The following PDE4D variants were observed in gnomAD, a reference collection of about 807,000 sequenced individuals.
PDE4D encodes the protein 3',5'-cyclic-AMP phosphodiesterase 4D.
In PDE4D, 24 loss-of-function variants were observed where a neutral mutation model predicts 87.4. That is an observed-to-expected ratio of 0.27 (90% CI 0.20 to 0.39). The LOEUF is 0.39. Among genes scored for constraint, PDE4D ranks in the 10% least tolerant of loss-of-function variants. The pLI, the probability that PDE4D is intolerant of heterozygous loss-of-function variation, is 1.00. For synonymous variants in PDE4D, 384 were observed against 383.2 expected (o/e 1.00, Z -0.02); for missense variants, 714 against 1,041.0 (o/e 0.69, Z 4.32).
At chr5:60,378,897 GAA>G (rs1491275420) in intron 1 of PDE4D, among the ~76,000 whole-genome samples, 1 of 151,710 alleles carries the variant, frequency 6.6e-6, no homozygotes, top group Non-Finnish European at 1.5e-5. Context: ...GAGAGAGAGA[GAA>G]AGAAAGAAAG....
At chr5:59,392,639 C>CTGGCCT (rs1334665790) in intron 1 of PDE4D, among the ~76,000 whole-genome samples, 2 of 151,980 alleles carry the variant, frequency 1.3e-5, no homozygotes, top group African/African-American at 2.4e-5. Context: ...CCTGCCAACC[C>CTGGCCT]TGGCCTATAT....
chr5:60,076,744 A>G (rs1301600392), intron 2 of PDE4D, among the ~76,000 whole-genome samples: 1 of 152,200 alleles, frequency 6.6e-6, no homozygotes, highest in Non-Finnish European at 1.5e-5. Flanking sequence ...TCTGATGGGT[A>G]GTGCCAGACA....
intron 1 of PDE4D, among the ~76,000 whole-genome samples, chr5:60,303,648 T>C (rs1158683300): frequency 6.6e-6 from 1 of 152,154 alleles, no homozygotes; most frequent in Non-Finnish European, 1.5e-5. Context: ...GATTTGATTG[T>C]GCTGTGATCT....
intron 1 of PDE4D, among the ~76,000 whole-genome samples, chr5:59,545,326 G>C (rs1817083891): frequency 6.6e-6 from 1 of 151,972 alleles, no homozygotes; most frequent in South Asian, 2.1e-4. Flanking sequence ...ATGCAGAAAT[G>C]TCTGATTCCA....
intron 1 of PDE4D, among the ~76,000 whole-genome samples, chr5:59,344,545 G>C (rs1170170253): frequency 6.6e-6 from 1 of 151,912 alleles, no homozygotes; most frequent in Non-Finnish European, 1.5e-5. Context: ...ACTACAGGCA[G>C]GCACCATCAC....
At chr5:59,037,293 C>T (rs1186337533) in intron 6 of PDE4D, among the ~76,000 whole-genome samples, 1 of 152,160 alleles carries the variant, frequency 6.6e-6, no homozygotes, top group African/African-American at 2.4e-5. Context: ...TTGCACATTG[C>T]TAAGTGGCTT....
chr5:59,406,367 G>C (rs1315650295), intron 1 of PDE4D, among the ~76,000 whole-genome samples: 5 of 140,492 alleles, frequency 3.6e-5, no homozygotes, highest in African/African-American at 1.3e-4. Context: ...TGCTTGTAAC[G>C]TCTCCCTTAT....
intron 1 of PDE4D, among the ~76,000 whole-genome samples, chr5:59,568,894 T>G (rs542366670): frequency 1.3e-5 from 2 of 152,210 alleles, no homozygotes; most frequent in East Asian, 3.9e-4. Flanking sequence ...ATAGGGACTT[T>G]AAATAATAAT....
chr5:59,438,339 T>G (rs1272317231), intron 1 of PDE4D, among the ~76,000 whole-genome samples: 1 of 152,108 alleles, frequency 6.6e-6, no homozygotes, highest in Non-Finnish European at 1.5e-5. Flanking sequence ...TGTCCTAAAG[T>G]GAATTCTGAA....
intron 1 of PDE4D, among the ~76,000 whole-genome samples, chr5:59,870,568 A>G (rs2152736524): frequency 6.6e-6 from 1 of 152,338 alleles, no homozygotes; most frequent in East Asian, 1.9e-4. Flanking sequence ...TGACCACTAC[A>G]TAAAATTGGA....
intron 11 of PDE4D, among the ~76,000 whole-genome samples, chr5:58,977,810 C>T (rs1444512204): frequency 6.6e-6 from 1 of 152,182 alleles, no homozygotes; most frequent in East Asian, 1.9e-4. Context: ...AATAAGGAAT[C>T]ATATGAACAA....
At chr5:60,038,447 T>C (rs1296794647) in intron 2 of PDE4D, among the ~76,000 whole-genome samples, 3 of 152,112 alleles carry the variant, frequency 2.0e-5, no homozygotes, top group Non-Finnish European at 2.9e-5. Context: ...ATATGCGGCG[T>C]TATTTCTGAG....
intron 1 of PDE4D, among the ~76,000 whole-genome samples, chr5:60,435,401 T>G (rs1266273466): frequency 6.6e-6 from 1 of 152,100 alleles, no homozygotes; most frequent in African/African-American, 2.4e-5. Context: ...ATCTTTAAGA[T>G]GTTTTAGAAA....
intron 1 of PDE4D, among the ~76,000 whole-genome samples, chr5:60,481,589 C>T (rs934094213): frequency 1.3e-5 from 2 of 152,044 alleles, no homozygotes; most frequent in African/African-American, 2.4e-5. Flanking sequence ...TATAAAATAC[C>T]CAAGGAACTA....
At chr5:59,733,067 G>C (rs555794558) in intron 1 of PDE4D, among the ~76,000 whole-genome samples, 1 of 152,038 alleles carries the variant, frequency 6.6e-6, no homozygotes, top group Non-Finnish European at 1.5e-5. Flanking sequence ...CACTGTCCTT[G>C]TTTGCAAAGT....
chr5:59,245,937 T>C (rs1758758706), intron 1 of PDE4D, among the ~76,000 whole-genome samples: 1 of 151,764 alleles, frequency 6.6e-6, no homozygotes, highest in South Asian at 2.1e-4. Context: ...TTTCAAGGAA[T>C]AGAGGAAGTA....
intron 3 of PDE4D, among the ~76,000 whole-genome samples, chr5:59,920,083 CAA>C (rs1304467221): frequency 6.6e-6 from 1 of 151,994 alleles, no homozygotes; most frequent in Non-Finnish European, 1.5e-5. Context: ...AAAATTTAGA[CAA>C]AACCCTAATG....
In PDE4D at chr5:59,616,945, A is replaced by ATATATATATATATATATATATC. The variant is rs936160133; in HGVS notation, c.455+276222_455+276223insGATATATATATATATATATATA. Among the ~76,000 whole-genome samples, 95 of 137,258 alleles carry ATATATATATATATATATATATC rather than the reference A, an allele frequency of 6.9e-4. 2 individuals carry two copies. Among genetic ancestry groups the ATATATATATATATATATATATC allele is most frequent in the East Asian group, 2.2e-3 (10 of 4,544 alleles). The allele number at this position is 137,258 out of a possible 152,430, so 90.0% of individuals were successfully genotyped here. On this transcript the variant is annotated intron_variant, in intron 1 of 14. Coordinates refer to ENST00000340635, the MANE Select transcript of PDE4D (RefSeq NM_001104631.2). The stretch of plus-strand genomic sequence containing the variant: ...TATATATATATATATATATATATAT[A>ATATATATATATATATATATATC]TCTCCAAGATTTTAAAGTATTAGGT...
intron 1 of PDE4D, among the ~76,000 whole-genome samples, chr5:59,446,490 A>G (rs1433378684): frequency 1.3e-5 from 2 of 152,238 alleles, no homozygotes; most frequent in Admixed American, 1.3e-4. Flanking sequence ...TTGACTCAAA[A>G]TAGCATTCGC....
Sources: allele counts gnomAD v4.1 joint callset (sites outside exome capture counted in the v4.1 genomes callset), GRCh38; gene constraint gnomAD v4.1.1; transcripts MANE v1.5; gene names NCBI Gene and HGNC (gene_info 2026-07-23, HGNC 2026-07-21).